The following WDR31 variants were observed in gnomAD, a reference collection of about 807,000 sequenced individuals.
WDR31 encodes WD repeat-containing protein 31.
WDR31 carries 30 observed loss-of-function variants against 47.3 expected under a neutral mutation model. The observed-to-expected ratio is 0.63, with a 90% CI of 0.47 to 0.86. WDR31 has a LOEUF of 0.86. Ranked by LOEUF, WDR31 falls within the 40% of genes least tolerant of loss-of-function variation. The pLI is 0.00. For synonymous variants in WDR31, 137 were observed against 159.4 expected, an observed-to-expected ratio of 0.86 and a Z score of 1.06; for missense variants, 406 against 442.9, an observed-to-expected ratio of 0.92 and a Z score of 0.75.
intron 5 of WDR31, among the ~76,000 whole-genome samples, chr9:113,323,839 G>A (rs1054784089): frequency 6.6e-6 from 1 of 152,170 alleles, no homozygotes; most frequent in South Asian, 2.1e-4. Context: ...ATGCTGTACT[G>A]TTATGACAGG....
At chr9:113,329,081 A>T (rs561188248) in intron 4 of WDR31, 126 bp from the exon 5 acceptor site, 1 of 843,500 alleles carries the variant, frequency 1.2e-6, no homozygotes, top group African/African-American at 1.7e-5. Flanking sequence ...ACTTGCTCAA[A>T]GCATTCGGGG....
intron 2 of WDR31, among the ~76,000 whole-genome samples, chr9:113,334,497 G>A (rs904529698): frequency 1.3e-5 from 2 of 151,702 alleles, no homozygotes; most frequent in Non-Finnish European, 2.9e-5. Context: ...ATAAGTAAAT[G>A]TCTTTAAAAT....
At chr9:113,337,703 T>C (rs1833747376) in intron 1 of WDR31, among the ~76,000 whole-genome samples, 1 of 152,120 alleles carries the variant, frequency 6.6e-6, no homozygotes, top group African/African-American at 2.4e-5. Flanking sequence ...TGACTTCAAG[T>C]GATCTGTCCA....
In WDR31 at chr9:113,315,776, C is replaced by G. The variant is rs1347041483; in HGVS notation, c.*973G>C. ...CTGCCTCCCAGGTTCAAGTGATTCT[C>G]CCATCTCAGCCTCCCGAGTAGCTGG... On this transcript the variant is annotated 3_prime_UTR_variant, in exon 11 of 11. Coordinates refer to ENST00000374193, the MANE Select transcript of WDR31 (RefSeq NM_001012361.4). The G allele has an allele frequency of 6.6e-6, 1 of 151,904 alleles. No homozygotes were observed. The highest frequency in any genetic ancestry group is 1.5e-5 in the Non-Finnish European group (1 of 68,088). The allele number at this position is 151,904 out of a possible 1,614,324, so 9.4% of individuals were successfully genotyped here.
At position 113,322,708 on chromosome 9, in the gene WDR31, G is replaced by T. The variant is rs1021166706; in HGVS notation, c.570+103C>A. On this transcript the variant is annotated intron_variant, in intron 7 of 10. Coordinates refer to ENST00000374193, the MANE Select transcript of WDR31 (RefSeq NM_001012361.4). The stretch of plus-strand genomic sequence containing the variant: ...TTAGGGGACAGCAATTGGGACCCAG[G>T]CTCTAATTTCTGCTCATGGGCCTCC... The T allele has an allele frequency of 6.9e-6, 8 of 1,157,714 alleles. No individual in the cohort carries two copies. In the African/African-American group the frequency reaches 7.6e-5, roughly 11 times the overall value. The allele number at this position is 1,157,714 out of a possible 1,614,324, so 71.7% of individuals were successfully genotyped here.
chr9:113,331,870 T>C (rs1469095462), intron 3 of WDR31, 37 bp downstream of exon 3: 5 of 1,589,972 alleles, frequency 3.1e-6, no homozygotes, highest in African/African-American at 1.3e-5. Flanking sequence ...TAATGGGGCA[T>C]GATAAAACCT....
intron 8 of WDR31, among the ~76,000 whole-genome samples, chr9:113,320,905 T>C (rs1318502852): frequency 1.3e-5 from 2 of 152,210 alleles, no homozygotes; most frequent in African/African-American, 4.8e-5. Context: ...TTACAAAAGA[T>C]TTACATACAG....
intron 1 of WDR31, among the ~76,000 whole-genome samples, chr9:113,338,330 T>C (rs975327520): frequency 2.0e-5 from 3 of 152,234 alleles, no homozygotes; most frequent in Admixed American, 2.0e-4. Flanking sequence ...TTCATTATGT[T>C]ACATAGCAAG....
intron 1 of WDR31, among the ~76,000 whole-genome samples, chr9:113,338,365 A>G (rs1209010910): frequency 1.3e-5 from 2 of 152,248 alleles, no homozygotes; most frequent in African/African-American, 2.4e-5. Flanking sequence ...TCAAGAACAA[A>G]GTATATGAAT....
At chr9:113,332,135 A>G in intron 2 of WDR31, 85 bp from the exon 3 acceptor site, 1 of 935,106 alleles carries the variant, frequency 1.1e-6, no homozygotes, top group Non-Finnish European at 1.6e-6. Flanking sequence ...TTTTAGACTA[A>G]TTAATTGTAT....
intron 5 of WDR31, among the ~76,000 whole-genome samples, chr9:113,324,830 G>A (rs10981732): frequency 8.4e-3 from 210 of 25,140 alleles, no homozygotes; most frequent in African/African-American, 0.029. Context: ...ATATATATAT[G>A]TGTGTGTGTG....
chr9:113,313,644 A>G lies in WDR31; in HGVS notation c.*3105T>C, dbSNP rs1471417585. 2 of 152,254 alleles carry G rather than the reference A, an allele frequency of 1.3e-5. No individual in the cohort carries two copies. Among genetic ancestry groups the G allele is most frequent in the African/African-American group, 4.8e-5 (2 of 41,472 alleles). 9.4% of individuals were successfully genotyped at this position (152,254 alleles called of 1,614,324 possible). On this transcript the variant is annotated 3_prime_UTR_variant, in exon 11 of 11. Coordinates refer to ENST00000374193, the MANE Select transcript of WDR31 (RefSeq NM_001012361.4). Reference sequence around the variant, plus strand: ...TCTTAATATGTGTGTGACTTTGGGCAAAGTACTGCATGTTTCTAGCCCTCA... The same window carrying G: ...TCTTAATATGTGTGTGACTTTGGGCGAAGTACTGCATGTTTCTAGCCCTCA...
chr9:113,332,711 CTAGA>C (rs146548376), intron 2 of WDR31, among the ~76,000 whole-genome samples: 3,299 of 152,184 alleles, frequency 0.022, 122 homozygotes, highest in African/African-American at 0.075. Context: ...TCTTAATAGG[CTAGA>C]TATAGTTTGG....
rs141104166 is a variant in WDR31, at chr9:113,322,814, G to A, written c.567C>T (p.Asn189=). 1.9e-5 allele frequency: 31 copies of A among 1,613,872 alleles called. No homozygotes were observed. Among genetic ancestry groups the A allele is most frequent in the Middle Eastern group, 1.6e-4 (1 of 6,074 alleles). The change falls in exon 7 of 11, where the codon AAC becomes AAT. Residue 189 remains asparagine, a synonymous_variant. Transcript: ENST00000374193. The part of the protein sequence containing the change: ...QSVERASVSR[N]VVTHLCWVPR... ...TGTACCAAGTTTGAGTTCATACCACGTTCCTGGAGACAGATGCTCTTTCCA... is the reference window on the plus strand; with the variant it reads ...TGTACCAAGTTTGAGTTCATACCACATTCCTGGAGACAGATGCTCTTTCCA...
intron 2 of WDR31, among the ~76,000 whole-genome samples, chr9:113,333,816 A>T (rs887583785): frequency 5.3e-5 from 8 of 152,112 alleles, no homozygotes; most frequent in Non-Finnish European, 1.2e-4. Flanking sequence ...GCAGTTCTTA[A>T]AGTGTGATCC....
At chr9:113,329,173 C>T (rs1035583041) in intron 4 of WDR31, among the ~76,000 whole-genome samples, 11 of 152,152 alleles carry the variant, frequency 7.2e-5, no homozygotes, top group Non-Finnish European at 1.2e-4. Context: ...TGTCTCCCTC[C>T]GACACTGGAC....
intron 5 of WDR31, among the ~76,000 whole-genome samples, chr9:113,325,299 A>T (rs1369762662): frequency 6.6e-6 from 1 of 152,122 alleles, no homozygotes; most frequent in Non-Finnish European, 1.5e-5. Context: ...TTTAGTTTTT[A>T]ACTCAGTAAG....
At chr9:113,323,544 G>A (rs997680182) in intron 5 of WDR31, among the ~76,000 whole-genome samples, 3 of 151,808 alleles carry the variant, frequency 2.0e-5, no homozygotes, top group Non-Finnish European at 4.4e-5. Context: ...TTACAGGCAT[G>A]AGCCACTGTG....
chr9:113,315,754 C>T lies in WDR31; in HGVS notation c.*995G>A, dbSNP rs914920662. The T allele has an allele frequency of 2.0e-5, 3 of 151,932 alleles. No homozygotes were observed. The highest frequency in any genetic ancestry group is 6.6e-5 in the Admixed American group (1 of 15,242). The allele number at this position is 151,932 out of a possible 1,614,324, so 9.4% of individuals were successfully genotyped here. ...CAATCTCAGCTCACTGCAAACTCTG[C>T]CTCCCAGGTTCAAGTGATTCTCCCA... On this transcript the variant is annotated 3_prime_UTR_variant, in exon 11 of 11. Transcript: ENST00000374193.
Sources: allele counts gnomAD v4.1 joint callset (sites outside exome capture counted in the v4.1 genomes callset), GRCh38; gene constraint gnomAD v4.1.1; transcripts MANE v1.5; gene names NCBI Gene and HGNC (gene_info 2026-07-23, HGNC 2026-07-21).